Variants in SPATA17 observed in about 807,000 individuals in gnomAD.
The protein encoded by SPATA17 is spermatogenesis-associated protein 17.
SPATA17 carries 53 observed loss-of-function variants against 62.2 expected under a neutral mutation model. The ratio of observed to expected loss-of-function variants is 0.85; its 90% confidence interval spans 0.68 to 1.07. The LOEUF (loss-of-function observed/expected upper bound fraction) is 1.07. Ranked by LOEUF, SPATA17 falls within the 50% of genes least tolerant of loss-of-function variation. The pLI is 0.00. For synonymous variants in SPATA17, 146 were observed against 146.8 expected (o/e 0.99, Z 0.04); for missense variants, 466 against 425.5 (o/e 1.10, Z -0.84).
Position 217,782,184 on chromosome 1 carries a change from G to A in SPATA17, c.734G>A (p.Arg245Gln), listed in dbSNP as rs779834031. The A allele has an allele frequency of 1.6e-5, 25 of 1,591,256 alleles. No individual in the cohort carries two copies. The African/African-American group carries it at 1.6e-4, about 10-fold the overall frequency. The change falls in exon 8 of 11, where the codon CGA (arginine) becomes CAA (glutamine). Residue 245 changes from arginine to glutamine, a missense_variant. Transcript: ENST00000366933. The part of the protein sequence containing the change: ...INRKQCQGPF[R>Q]DITEVLEQRY... Reference sequence around the variant, plus strand: ...ATCCTGTCTTGTCAGGGGCCCTTCCGAGATATCACCGAAGTATTAGAACAA... The same window carrying A: ...ATCCTGTCTTGTCAGGGGCCCTTCCAAGATATCACCGAAGTATTAGAACAA...
At chr1:217,826,242 C>T (rs1674999725) in intron 9 of SPATA17, among the ~76,000 whole-genome samples, 1 of 152,092 alleles carries the variant, frequency 6.6e-6, no homozygotes, top group Non-Finnish European at 1.5e-5. Flanking sequence ...ACAGAAATAT[C>T]TCTGGTGTTG....
Position 217,648,870 on chromosome 1 carries a change from AT to A in SPATA17, c.69-8del, listed in dbSNP as rs1347412163. 7 of 1,570,664 alleles carry A rather than the reference AT, an allele frequency of 4.5e-6. No homozygotes were observed. The highest frequency in any genetic ancestry group is 6.0e-6 in the Non-Finnish European group (7 of 1,157,140). On this transcript the variant is annotated splice_polypyrimidine_tract_variant and intron_variant, in intron 1 of 10. Transcript: ENST00000366933. Reference sequence around the variant, plus strand: ...GTTACTAATGAAGTGCTTTTTAAACATTTTGTTTTAGTGTTGTAGATCCATT... The same window carrying A: ...GTTACTAATGAAGTGCTTTTTAAACATTTGTTTTAGTGTTGTAGATCCATT...
intron 9 of SPATA17, among the ~76,000 whole-genome samples, chr1:217,813,399 A>G (rs1278452284): frequency 6.6e-6 from 1 of 152,166 alleles, no homozygotes; most frequent in Non-Finnish European, 1.5e-5. Context: ...GTTATGGATA[A>G]TTTTACTTTT....
chr1:217,659,975 T>C (rs544772686), intron 3 of SPATA17, among the ~76,000 whole-genome samples: 9 of 152,344 alleles, frequency 5.9e-5, no homozygotes, highest in Admixed American at 5.9e-4. Flanking sequence ...TCCATGGTCT[T>C]ACCATTGCTT....
At chr1:217,718,591 A>T (rs888027412) in intron 5 of SPATA17, among the ~76,000 whole-genome samples, 19 of 152,170 alleles carry the variant, frequency 1.2e-4, no homozygotes, top group Admixed American at 1.2e-3. Context: ...TCATTCTAGT[A>T]CTAAGAGTAT....
At chr1:217,672,284 A>G (rs1670850201) in intron 4 of SPATA17, among the ~76,000 whole-genome samples, 2 of 152,218 alleles carry the variant, frequency 1.3e-5, no homozygotes, top group African/African-American at 4.8e-5. Flanking sequence ...TTAGTTCAAA[A>G]CTAGAAGTGA....
chr1:217,795,217 G>T (rs1013594842), intron 8 of SPATA17, among the ~76,000 whole-genome samples: 4 of 152,056 alleles, frequency 2.6e-5, no homozygotes, highest in East Asian at 3.9e-4. Context: ...ACTTTTATTT[G>T]ATGTGACTAT....
At chr1:217,848,519 C>A (rs1675576933) in intron 9 of SPATA17, among the ~76,000 whole-genome samples, 1 of 151,976 alleles carries the variant, frequency 6.6e-6, no homozygotes, top group South Asian at 2.1e-4. Flanking sequence ...TTTTTATATT[C>A]CCTGGAGTTA....
chr1:217,639,139 T>C (rs1241216927), intron 1 of SPATA17, among the ~76,000 whole-genome samples: 1 of 152,128 alleles, frequency 6.6e-6, no homozygotes, highest in African/African-American at 2.4e-5. Flanking sequence ...CTTTAACACC[T>C]ACTTCTTAGA....
chr1:217,796,457 C>A (rs980999643), intron 8 of SPATA17, among the ~76,000 whole-genome samples: 1 of 152,088 alleles, frequency 6.6e-6, no homozygotes, highest in Non-Finnish European at 1.5e-5. Flanking sequence ...AATATCTTTC[C>A]AGTTAAATTT....
At chr1:217,743,383 A>G (rs1672670743) in intron 6 of SPATA17, among the ~76,000 whole-genome samples, 1 of 152,112 alleles carries the variant, frequency 6.6e-6, no homozygotes, top group South Asian at 2.1e-4. Context: ...AAAATTTTTA[A>G]CTTTAGTTAT....
intron 6 of SPATA17, among the ~76,000 whole-genome samples, chr1:217,762,133 G>A (rs565127777): frequency 1.9e-4 from 29 of 151,992 alleles, no homozygotes; most frequent in African/African-American, 6.8e-4. Context: ...TTTCTTTAAT[G>A]TGCACACTCC....
intron 1 of SPATA17, among the ~76,000 whole-genome samples, chr1:217,644,598 T>C (rs12139121): frequency 0.13 from 20,157 of 152,100 alleles, 1,462 homozygotes; most frequent in Non-Finnish European, 0.17. Flanking sequence ...AAAATGCATA[T>C]TTTTTGCATA....
rs1676080100 is a variant in SPATA17, at chr1:217,869,200, A to G, written c.*2181A>G. ...AAAGGCAGGATGCCTCAAACTTGAAACAAGAGAATGGGGGGTGGGAGGATG... is the reference window on the plus strand; with the variant it reads ...AAAGGCAGGATGCCTCAAACTTGAAGCAAGAGAATGGGGGGTGGGAGGATG... On this transcript the variant is annotated 3_prime_UTR_variant, in exon 11 of 11. Coordinates refer to ENST00000366933, the MANE Select transcript of SPATA17 (RefSeq NM_138796.4). 6.6e-6 allele frequency: 1 copy of G among 152,430 alleles called. No homozygotes were observed. Among genetic ancestry groups the G allele is most frequent in the Non-Finnish European group, 1.5e-5 (1 of 68,262 alleles). The allele number at this position is 152,430 out of a possible 1,614,324, so 9.4% of individuals were successfully genotyped here.
rs754412229 is a variant in SPATA17 at position 217,648,992 on chromosome 1, A to C, written c.158+21A>C. ...ATCAGGTATATTGCTTTTGTCATGGAAACCTCAGATATATCATAAAAATAT... is the reference window on the plus strand; with the variant it reads ...ATCAGGTATATTGCTTTTGTCATGGCAACCTCAGATATATCATAAAAATAT... On this transcript the variant is annotated intron_variant, in intron 2 of 10. Coordinates refer to ENST00000366933, the MANE Select transcript of SPATA17 (RefSeq NM_138796.4). 9.3e-6 allele frequency: 14 copies of C among 1,509,592 alleles called. No homozygotes were observed. The South Asian group carries it at 1.7e-4, about 18-fold the overall frequency. The allele number at this position is 1,509,592 out of a possible 1,614,324, so 93.5% of individuals were successfully genotyped here.
chr1:217,837,968 A>G (rs1558071462), intron 9 of SPATA17, among the ~76,000 whole-genome samples: 2 of 152,142 alleles, frequency 1.3e-5, no homozygotes, highest in Admixed American at 1.3e-4. Flanking sequence ...CACTTGAAAC[A>G]TTGAGTTCTG....
In SPATA17 at chr1:217,700,701, C is replaced by T. The variant is rs1049405178; in HGVS notation, c.395+17340C>T. Reference sequence around the variant, plus strand: ...TCCCAGGCTCAAGCGAATCTCCTGCCTCAACCTGCCAATTAGCAGAGGCTA... The same window carrying T: ...TCCCAGGCTCAAGCGAATCTCCTGCTTCAACCTGCCAATTAGCAGAGGCTA... On this transcript the variant is annotated intron_variant, in intron 5 of 10. Transcript: ENST00000366933. Among the ~76,000 whole-genome samples the T allele has an allele frequency of 4.0e-5, 6 of 151,880 alleles. No homozygotes were observed. In the South Asian group the frequency reaches 1.0e-3, roughly 26 times the overall value.
In SPATA17 at chr1:217,846,151, C is replaced by A. The variant is rs572812388; in HGVS notation, c.1006-16623C>A. ...AATTGAAATACTTTACCATTAATAT[C>A]CAAGCTCTTGGAAACTAATGGGATT... On this transcript the variant is annotated intron_variant, in intron 9 of 10. Transcript: ENST00000366933. 9.9e-5 allele frequency among the ~76,000 whole-genome samples: 15 copies of A among 152,074 alleles called. No individual in the cohort carries two copies. In the East Asian group the frequency reaches 2.7e-3, roughly 27 times the overall value.
intron 6 of SPATA17, among the ~76,000 whole-genome samples, chr1:217,753,447 T>A (rs1253597608): frequency 6.6e-6 from 1 of 152,188 alleles, no homozygotes; most frequent in Non-Finnish European, 1.5e-5. Flanking sequence ...GCACCGAATT[T>A]TCTTTAGTTC....
Sources: gnomAD v4.1 joint callset for allele counts (sites outside exome capture counted in the v4.1 genomes callset) on GRCh38, gnomAD v4.1.1 for gene constraint, MANE v1.5 for transcripts, NCBI Gene and HGNC (gene_info 2026-07-23, HGNC 2026-07-21) for gene names.